The following CSTPP1 variants were observed in gnomAD, a reference collection of about 807,000 sequenced individuals.
CSTPP1 encodes UPF0705 protein C11orf49.
the CSTPP1 span, chr11:46,936,956 G>T: frequency 3.4e-6 from 4 of 1,160,806 alleles, no homozygotes; most frequent in Non-Finnish European, 4.5e-6. Flanking sequence ...GGTCCGGGTG[G>T]TATGGGGAGG....
the CSTPP1 span, among the ~76,000 whole-genome samples, chr11:46,948,668 C>A: frequency 6.6e-6 from 1 of 152,118 alleles, no homozygotes; most frequent in African/African-American, 2.4e-5. Flanking sequence ...GAGTTTTATA[C>A]ACTCCTCATG....
At chr11:47,154,055 T>C in the CSTPP1 span, among the ~76,000 whole-genome samples, 1 of 152,084 alleles carries the variant, frequency 6.6e-6, no homozygotes, top group Non-Finnish European at 1.5e-5. Flanking sequence ...TTCTCCTGCT[T>C]CAGCCTCCTG....
chr11:46,940,453 T>C, the CSTPP1 span, among the ~76,000 whole-genome samples: 3 of 152,224 alleles, frequency 2.0e-5, no homozygotes, highest in Non-Finnish European at 4.4e-5. Context: ...ATAGGTGTTG[T>C]ACCATTTTGC....
At chr11:46,997,240 G>C in the CSTPP1 span, among the ~76,000 whole-genome samples, 3 of 152,122 alleles carry the variant, frequency 2.0e-5, no homozygotes, top group Non-Finnish European at 2.9e-5. Flanking sequence ...ATTTCTTGGA[G>C]GCTTTGTTCG....
the CSTPP1 span, among the ~76,000 whole-genome samples, chr11:47,038,065 C>A: frequency 9.4e-6 from 1 of 106,380 alleles, no homozygotes; most frequent in South Asian, 3.4e-4. Context: ...CAGAGGCGCC[C>A]CTCACCTCCC....
the CSTPP1 span, among the ~76,000 whole-genome samples, chr11:46,989,832 G>C: frequency 2.0e-5 from 3 of 151,042 alleles, no homozygotes; most frequent in African/African-American, 7.3e-5. Context: ...AGTGTCTGTT[G>C]CTCCCATGTT....
chr11:47,084,180 C>G, the CSTPP1 span, among the ~76,000 whole-genome samples: 28 of 152,308 alleles, frequency 1.8e-4, no homozygotes, highest in South Asian at 4.3e-3. Context: ...ATACTTTTTA[C>G]TGCTTGTTGG....
At chr11:47,044,819 G>T in the CSTPP1 span, among the ~76,000 whole-genome samples, 1 of 152,070 alleles carries the variant, frequency 6.6e-6, no homozygotes, top group Non-Finnish European at 1.5e-5. Flanking sequence ...TGAGGTGGGA[G>T]GATCACTTGA....
At chr11:47,065,577 C>A in the CSTPP1 span, among the ~76,000 whole-genome samples, 13 of 151,994 alleles carry the variant, frequency 8.6e-5, no homozygotes, top group East Asian at 1.9e-4. Context: ...CACGCCCAGC[C>A]TCTTTCAGCG....
chr11:47,102,543 A>G, the CSTPP1 span, among the ~76,000 whole-genome samples: 1 of 152,294 alleles, frequency 6.6e-6, no homozygotes, highest in African/African-American at 2.4e-5. Flanking sequence ...ATATAGATAG[A>G]TAATATGTTC....
the CSTPP1 span, among the ~76,000 whole-genome samples, chr11:47,004,174 T>G: frequency 1.1e-4 from 16 of 150,808 alleles, no homozygotes; most frequent in Admixed American, 3.3e-4. Flanking sequence ...TTGTTTTTGT[T>G]TTTTTGTTTT....
At chr11:46,945,589 T>C in the CSTPP1 span, among the ~76,000 whole-genome samples, 1 of 152,090 alleles carries the variant, frequency 6.6e-6, no homozygotes. Flanking sequence ...CACTCCAGCC[T>C]GGGCGACAGA....
the CSTPP1 span, chr11:46,948,127 C>T: frequency 7.2e-5 from 33 of 456,174 alleles, no homozygotes; most frequent in Non-Finnish European, 1.3e-4. Context: ...CCGGTCGGCT[C>T]CATGGTTCTC....
At chr11:46,944,092 T>C in the CSTPP1 span, among the ~76,000 whole-genome samples, 1 of 151,540 alleles carries the variant, frequency 6.6e-6, no homozygotes, top group Non-Finnish European at 1.5e-5. Context: ...CCGAGGCGGG[T>C]GGATCACCTG....
At chr11:47,018,906 T>C in the CSTPP1 span, among the ~76,000 whole-genome samples, 3 of 152,238 alleles carry the variant, frequency 2.0e-5, no homozygotes, top group Admixed American at 6.5e-5. Context: ...TTGAGAGTTG[T>C]TTATATATTC....
the CSTPP1 span, among the ~76,000 whole-genome samples, chr11:47,122,302 T>A: frequency 6.6e-6 from 1 of 151,182 alleles, no homozygotes; most frequent in Non-Finnish European, 1.5e-5. Flanking sequence ...TCCAAAAACA[T>A]AGAATTATAA....
At chr11:47,086,404 GA>G in the CSTPP1 span, among the ~76,000 whole-genome samples, 6 of 151,360 alleles carry the variant, frequency 4.0e-5, no homozygotes, top group South Asian at 2.1e-4. Context: ...AGACTCTGTG[GA>G]AAAAAAATTT....
chr11:47,141,728 G>C, the CSTPP1 span, among the ~76,000 whole-genome samples: 1 of 151,818 alleles, frequency 6.6e-6, no homozygotes, highest in Admixed American at 6.6e-5. Context: ...GAGGTCAGGA[G>C]TTCAAACCCA....
the CSTPP1 span, among the ~76,000 whole-genome samples, chr11:47,083,642 G>GT: frequency 6.6e-6 from 1 of 152,152 alleles, no homozygotes; most frequent in Non-Finnish European, 1.5e-5. Flanking sequence ...CAGCCTAGAG[G>GT]TGTGAAATGG....
Sources: gnomAD v4.1 joint callset for allele counts (sites outside exome capture counted in the v4.1 genomes callset) on GRCh38, gnomAD v4.1.1 for gene constraint, MANE v1.5 for transcripts, NCBI Gene and HGNC (gene_info 2026-07-23, HGNC 2026-07-21) for gene names.